The following PPP6R2 variants were observed in gnomAD, a reference collection of about 807,000 sequenced individuals.
PPP6R2 encodes serine/threonine-protein phosphatase 6 regulatory subunit 2.
In PPP6R2, 62 loss-of-function variants were observed where a neutral mutation model predicts 100.2. The observed-to-expected ratio is 0.62, with a 90% confidence interval of 0.50 to 0.76. The LOEUF (loss-of-function observed/expected upper bound fraction) is 0.76. Ranked by LOEUF, PPP6R2 falls within the 30% of genes least tolerant of loss-of-function variation. The probability of loss-of-function intolerance (pLI) is 0.00; values close to 1 mark genes in which losing one functional copy is unlikely to be tolerated. For missense variants in PPP6R2, 1,142 were observed against 1,276.3 expected (o/e 0.89, Z 1.60); for synonymous variants, 525 against 514.7 (o/e 1.02, Z -0.27).
chr22:50,424,119 G>A (rs2061682112), intron 10 of PPP6R2, among the ~76,000 whole-genome samples: 1 of 152,242 alleles, frequency 6.6e-6, no homozygotes, highest in South Asian at 2.1e-4. Flanking sequence ...CTGGCAAGTA[G>A]TGCCAGTGAG....
intron 1 of PPP6R2, among the ~76,000 whole-genome samples, chr22:50,359,351 T>C (rs1367478078): frequency 6.6e-6 from 1 of 151,776 alleles, no homozygotes; most frequent in African/African-American, 2.4e-5. Flanking sequence ...CCCGAGCAGC[T>C]GGGACTACAG....
intron 1 of PPP6R2, among the ~76,000 whole-genome samples, chr22:50,356,940 AAAAC>A (rs1235258827): frequency 1.5e-4 from 23 of 151,748 alleles, no homozygotes; most frequent in Non-Finnish European, 2.9e-4. Flanking sequence ...TCTCAAAAAA[AAAAC>A]AAAAAAGCAA....
intron 2 of PPP6R2, among the ~76,000 whole-genome samples, chr22:50,378,367 A>C (rs533871507): frequency 6.6e-6 from 1 of 152,220 alleles, no homozygotes; most frequent in South Asian, 2.1e-4. Context: ...CAGGTGGATC[A>C]CCTGAGGTGG....
In PPP6R2 at chr22:50,424,405, G is replaced by A. The variant is rs542008823; in HGVS notation, c.1125+791G>A. Among the ~76,000 whole-genome samples, 320 of 149,232 alleles carry A rather than the reference G, an allele frequency of 2.1e-3. 8 individuals carry two copies. Among genetic ancestry groups the A allele is most frequent in the East Asian group, 6.0e-3 (30 of 4,992 alleles). On this transcript the variant is annotated intron_variant, in intron 10 of 23. Coordinates refer to ENST00000612753, the MANE Select transcript of PPP6R2 (RefSeq NM_001242898.2). Reference sequence around the variant, plus strand: ...GTCCGCGTGTGGAAGGTCCGTCAGTGTGTGGAAGGTCCGTCCGCGTGTGGA... The same window carrying A: ...GTCCGCGTGTGGAAGGTCCGTCAGTATGTGGAAGGTCCGTCCGCGTGTGGA...
chr22:50,400,296 C>T (rs1603225522), intron 3 of PPP6R2, among the ~76,000 whole-genome samples: 1 of 152,218 alleles, frequency 6.6e-6, no homozygotes, highest in African/African-American at 2.4e-5. Context: ...GTCATGGCTT[C>T]TTCCTCTTCT....
intron 3 of PPP6R2, 141 bp downstream of exon 3, chr22:50,394,276 G>T (rs970326340): frequency 3.2e-5 from 42 of 1,322,656 alleles, no homozygotes; most frequent in Non-Finnish European, 4.1e-5. Context: ...GAAGTGAGGA[G>T]GGCACTCCCA....
intron 1 of PPP6R2, among the ~76,000 whole-genome samples, chr22:50,353,190 A>G (rs1160045783): frequency 6.6e-6 from 1 of 152,210 alleles, no homozygotes; most frequent in Non-Finnish European, 1.5e-5. Context: ...AACTTGGCAA[A>G]CTGGTGCAGG....
At chr22:50,353,581 G>A (rs1437786676) in intron 1 of PPP6R2, among the ~76,000 whole-genome samples, 1 of 152,106 alleles carries the variant, frequency 6.6e-6, no homozygotes, top group Non-Finnish European at 1.5e-5. Context: ...ACAGAGACAC[G>A]AAGTAAGCAC....
intron 1 of PPP6R2, among the ~76,000 whole-genome samples, chr22:50,359,957 G>A (rs1394535725): frequency 1.3e-5 from 2 of 151,408 alleles, no homozygotes; most frequent in Admixed American, 6.6e-5. Flanking sequence ...CTCAGCTTTT[G>A]TTTGTCTTAA....
At chr22:50,427,767 C>G (rs530504424) in intron 10 of PPP6R2, among the ~76,000 whole-genome samples, 37 of 152,268 alleles carry the variant, frequency 2.4e-4, no homozygotes, top group Middle Eastern at 3.4e-3. Flanking sequence ...GTCGCCCAGG[C>G]TGGAGTGCAG....
At chr22:50,418,716 A>AT in intron 6 of PPP6R2, 151 bp from the exon 7 acceptor site, 1 of 624,542 alleles carries the variant, frequency 1.6e-6, no homozygotes, top group Non-Finnish European at 2.8e-6. Flanking sequence ...AAAAAGAAAA[A>AT]GTATTTGAAC....
intron 1 of PPP6R2, among the ~76,000 whole-genome samples, chr22:50,367,997 C>T (rs888800101): frequency 2.0e-5 from 3 of 152,214 alleles, no homozygotes; most frequent in Non-Finnish European, 2.9e-5. Context: ...GTCCACTGGA[C>T]AGGGGGCCGG....
rs80052928 is a variant in PPP6R2, at chr22:50,426,867, C to T, written c.1125+3253C>T. The stretch of plus-strand genomic sequence containing the variant: ...AAAAAAAAAACACCGTCCTTTCCCC[C>T]ATGAATGGTCTCGGCCTAATTGTTA... On this transcript the variant is annotated intron_variant, in intron 10 of 23. Transcript: ENST00000612753. Among the ~76,000 whole-genome samples, 483 of 150,198 alleles carry T rather than the reference C, an allele frequency of 3.2e-3. 16 individuals carry two copies. The East Asian group carries it at 0.08, about 25-fold the overall frequency.
chr22:50,391,322 A>G (rs1052665787), intron 2 of PPP6R2, among the ~76,000 whole-genome samples: 1 of 149,782 alleles, frequency 6.7e-6, no homozygotes, highest in East Asian at 2.0e-4. Flanking sequence ...AATCCCAACT[A>G]CTCAGGAGAC....
intron 4 of PPP6R2, 129 bp from the exon 5 acceptor site, chr22:50,414,423 G>C (rs2060232628): frequency 1.9e-6 from 2 of 1,036,314 alleles, no homozygotes; most frequent in Admixed American, 2.4e-5. Flanking sequence ...TTACAATCTT[G>C]TCTGGGTCTT....
At chr22:50,364,089 GT>G (rs1377276461) in intron 1 of PPP6R2, among the ~76,000 whole-genome samples, 3 of 151,910 alleles carry the variant, frequency 2.0e-5, no homozygotes, top group Non-Finnish European at 4.4e-5. Context: ...TAGAGACGGG[GT>G]TGCACCATGT....
chr22:50,333,526 G>A, the PPP6R2 span, among the ~76,000 whole-genome samples: 7 of 151,990 alleles, frequency 4.6e-5, no homozygotes, highest in African/African-American at 1.5e-4. Context: ...GTAGAAACAG[G>A]TTTCACCGTG....
At chr22:50,351,818 G>A (rs2045342654) in intron 1 of PPP6R2, among the ~76,000 whole-genome samples, 1 of 151,650 alleles carries the variant, frequency 6.6e-6, no homozygotes, top group Non-Finnish European at 1.5e-5. Flanking sequence ...TTTTGAAACG[G>A]AGTCTTGCTC....
intron 1 of PPP6R2, among the ~76,000 whole-genome samples, chr22:50,365,198 A>G (rs1263364231): frequency 1.3e-5 from 2 of 151,588 alleles, no homozygotes; most frequent in Non-Finnish European, 2.9e-5. Context: ...CAGCGTCCCA[A>G]GTAGCTGGGA....
Sources: allele counts gnomAD v4.1 joint callset (sites outside exome capture counted in the v4.1 genomes callset), GRCh38; gene constraint gnomAD v4.1.1; transcripts MANE v1.5; gene names NCBI Gene and HGNC (gene_info 2026-07-23, HGNC 2026-07-21).